The following SETBP1 variants were observed in gnomAD, a reference collection of about 807,000 sequenced individuals.
SETBP1 encodes SET binding protein 1, also known as SET-binding protein.
SETBP1 carries 9 observed loss-of-function variants against 101.0 expected under a neutral mutation model. The observed-to-expected ratio is 0.09, with a 90% CI of 0.05 to 0.16. The LOEUF (loss-of-function observed/expected upper bound fraction) is 0.16. Ranked by LOEUF, SETBP1 falls within the 10% of genes least tolerant of loss-of-function variation. SETBP1 has a pLI of 1.00. For missense variants in SETBP1, 1,858 were observed against 2,033.8 expected, an observed-to-expected ratio of 0.91 and a Z score of 1.66; for synonymous variants, 818 against 788.5, an observed-to-expected ratio of 1.04 and a Z score of -0.63.
chr18:44,826,924 C>A (rs900256195), intron 2 of SETBP1, among the ~76,000 whole-genome samples: 12 of 152,094 alleles, frequency 7.9e-5, no homozygotes, highest in African/African-American at 2.9e-4. Flanking sequence ...TGCTTTGGGC[C>A]CACAAAAGGG....
chr18:45,006,902 A>G (rs1296804944), intron 4 of SETBP1, among the ~76,000 whole-genome samples: 1 of 152,242 alleles, frequency 6.6e-6, no homozygotes, highest in Non-Finnish European at 1.5e-5. Flanking sequence ...TCTACAGCAC[A>G]TAACAAGTTT....
rs150877846 is a variant in SETBP1 at position 44,882,382 on chromosome 18, G to A, written c.540+13099G>A. 1.2e-3 allele frequency among the ~76,000 whole-genome samples: 180 copies of A among 152,186 alleles called. 1 individual carries two copies. The highest frequency in any genetic ancestry group is 4.1e-3 in the African/African-American group (171 of 41,534). On this transcript the variant is annotated intron_variant, in intron 3 of 5. Coordinates refer to ENST00000649279, the MANE Select transcript of SETBP1 (RefSeq NM_015559.3). ...TTATATCTATGACTGCTGGGGGTGC[G>A]GACGAAGCGCTAAAGGCTGATTTGA...
At chr18:44,955,122 G>A (rs1329399896) in intron 4 of SETBP1, among the ~76,000 whole-genome samples, 1 of 152,208 alleles carries the variant, frequency 6.6e-6, no homozygotes, top group Non-Finnish European at 1.5e-5. Flanking sequence ...ACGAGGATTT[G>A]TCTGTGGCCA....
At chr18:44,997,479 G>A (rs1476586654) in intron 4 of SETBP1, among the ~76,000 whole-genome samples, 1 of 152,184 alleles carries the variant, frequency 6.6e-6, no homozygotes, top group African/African-American at 2.4e-5. Flanking sequence ...GCCCTGGCAA[G>A]ATGCAACTGA....
chr18:44,719,692 T>C (rs1420478285), intron 2 of SETBP1, among the ~76,000 whole-genome samples: 1 of 152,220 alleles, frequency 6.6e-6, no homozygotes, highest in Admixed American at 6.5e-5. Context: ...CCTTCTGGCT[T>C]CATTTCTAAA....
chr18:44,863,407 C>T (rs148816122), intron 2 of SETBP1, among the ~76,000 whole-genome samples: 12 of 152,282 alleles, frequency 7.9e-5, no homozygotes, highest in African/African-American at 2.9e-4. Context: ...GAGTGTGGGG[C>T]TAGTTCATCT....
intron 2 of SETBP1, among the ~76,000 whole-genome samples, chr18:44,706,294 G>A (rs1047936231): frequency 6.6e-6 from 1 of 152,020 alleles, no homozygotes; most frequent in Non-Finnish European, 1.5e-5. Flanking sequence ...CTGGAAGAAT[G>A]TTCCAGTAGT....
intron 2 of SETBP1, among the ~76,000 whole-genome samples, chr18:44,746,298 T>C (rs955878428): frequency 6.6e-6 from 1 of 152,178 alleles, no homozygotes. Context: ...TTCTGTAAAA[T>C]AGGATACATG....
At chr18:44,763,527 A>G (rs1415893485) in intron 2 of SETBP1, among the ~76,000 whole-genome samples, 1 of 152,196 alleles carries the variant, frequency 6.6e-6, no homozygotes, top group Non-Finnish European at 1.5e-5. Context: ...CGTTGTTTGC[A>G]GTTGATGTTT....
chr18:44,815,575 T>C (rs1005291506), intron 2 of SETBP1, among the ~76,000 whole-genome samples: 2 of 152,242 alleles, frequency 1.3e-5, no homozygotes, highest in African/African-American at 4.8e-5. Context: ...TTTTTGATGC[T>C]ACTGATACCT....
intron 2 of SETBP1, among the ~76,000 whole-genome samples, chr18:44,796,957 C>A (rs1156293779): frequency 6.6e-6 from 1 of 152,174 alleles, no homozygotes; most frequent in Non-Finnish European, 1.5e-5. Context: ...TTCTGGACTT[C>A]CGCCTACCTG....
chr18:44,792,910 CAG>C (rs1187314813), intron 2 of SETBP1, among the ~76,000 whole-genome samples: 2 of 151,800 alleles, frequency 1.3e-5, no homozygotes, highest in African/African-American at 4.8e-5. Flanking sequence ...GAGAGTTATT[CAG>C]AGTGTCTGAC....
At chr18:44,907,206 T>C (rs1345054847) in intron 3 of SETBP1, among the ~76,000 whole-genome samples, 1 of 152,252 alleles carries the variant, frequency 6.6e-6, no homozygotes, top group Non-Finnish European at 1.5e-5. Context: ...TATGGCTGAA[T>C]AATATTCCAT....
intron 2 of SETBP1, among the ~76,000 whole-genome samples, chr18:44,814,436 T>C (rs2144846008): frequency 1.3e-5 from 2 of 152,278 alleles, no homozygotes; most frequent in East Asian, 3.9e-4. Flanking sequence ...TTAATTACAA[T>C]AAATTGGGCC....
At chr18:44,909,725 A>T (rs919896604) in intron 3 of SETBP1, among the ~76,000 whole-genome samples, 1 of 152,222 alleles carries the variant, frequency 6.6e-6, no homozygotes, top group Non-Finnish European at 1.5e-5. Flanking sequence ...TCTACAGATG[A>T]CAAAACCAAG....
At chr18:44,828,951 A>G (rs74351570) in intron 2 of SETBP1, among the ~76,000 whole-genome samples, 4,769 of 152,332 alleles carry the variant, frequency 0.031, 240 homozygotes, top group African/African-American at 0.11. Flanking sequence ...TCCAGCCTTT[A>G]AAACTAGGAG....
intron 4 of SETBP1, among the ~76,000 whole-genome samples, chr18:45,024,773 G>T (rs2073132919): frequency 6.6e-6 from 1 of 152,168 alleles, no homozygotes; most frequent in South Asian, 2.1e-4. Flanking sequence ...GAGGAGGGTT[G>T]AAAGAAATGC....
chr18:44,700,887 C>A (rs957788488), intron 1 of SETBP1, among the ~76,000 whole-genome samples: 7 of 152,206 alleles, frequency 4.6e-5, no homozygotes, highest in African/African-American at 1.7e-4. Flanking sequence ...TATAAAGAAA[C>A]CTCTAGCTTG....
intron 3 of SETBP1, among the ~76,000 whole-genome samples, chr18:44,893,344 G>T (rs2069815546): frequency 6.6e-6 from 1 of 152,166 alleles, no homozygotes; most frequent in South Asian, 2.1e-4. Context: ...AACCCTTGGG[G>T]GTAGGTTCTA....
Sources: allele counts gnomAD v4.1 joint callset (sites outside exome capture counted in the v4.1 genomes callset), GRCh38; gene constraint gnomAD v4.1.1; transcripts MANE v1.5; gene names NCBI Gene and HGNC (gene_info 2026-07-23, HGNC 2026-07-21).